The following CNTN5 variants were observed in gnomAD, a reference collection of about 807,000 sequenced individuals.
The protein encoded by CNTN5 is contactin 5, also known as contactin-5.
A neutral mutation model predicts 129.1 loss-of-function variants in CNTN5; 77 were observed. That is an observed-to-expected ratio of 0.60 (90% CI 0.50 to 0.72). The LOEUF is 0.72. Among genes scored for constraint, CNTN5 ranks in the 30% least tolerant of loss-of-function variants. CNTN5 has a pLI of 0.00. For synonymous variants in CNTN5, 509 were observed against 465.6 expected (o/e 1.09, Z -1.20); for missense variants, 1,478 against 1,328.8 (o/e 1.11, Z -1.75).
intron 3 of CNTN5, among the ~76,000 whole-genome samples, chr11:99,642,805 A>G (rs4754638): frequency 0.6 from 91,161 of 151,784 alleles, 28,201 homozygotes; most frequent in Admixed American, 0.69. Flanking sequence ...TGCCTCTGTG[A>G]GATCAACTTT....
At chr11:100,167,554 A>ATAAG (rs1947679793) in intron 13 of CNTN5, among the ~76,000 whole-genome samples, 1 of 151,902 alleles carries the variant, frequency 6.6e-6, no homozygotes. Flanking sequence ...CTTATCTCAA[A>ATAAG]TAAGTATCAC....
intron 1 of CNTN5, among the ~76,000 whole-genome samples, chr11:99,187,650 A>G (rs1343445517): frequency 2.6e-5 from 4 of 151,874 alleles, no homozygotes; most frequent in Non-Finnish European, 5.9e-5. Flanking sequence ...ATCCAATATT[A>G]CTACAAACTA....
At chr11:100,020,965 G>T (rs1322592812) in intron 9 of CNTN5, among the ~76,000 whole-genome samples, 2 of 152,046 alleles carry the variant, frequency 1.3e-5, no homozygotes, top group Non-Finnish European at 2.9e-5. Context: ...TGGATTGAAA[G>T]AATTAATATT....
At chr11:100,083,414 A>G (rs1433326274) in intron 13 of CNTN5, among the ~76,000 whole-genome samples, 2 of 149,198 alleles carry the variant, frequency 1.3e-5, no homozygotes, top group Non-Finnish European at 3.0e-5. Flanking sequence ...TCATCAGGGG[A>G]TGATGCTATA....
rs574644336 is a variant in CNTN5, at chr11:99,982,270, A to G, written c.878-19764A>G. On this transcript the variant is annotated intron_variant, in intron 8 of 24. Coordinates refer to ENST00000524871, the MANE Select transcript of CNTN5 (RefSeq NM_014361.4). ...TTGGGGCAGGTTTTCAAAGATTTGC[A>G]TACAAAAATAAAGAGCTTGAATTTC... Among the ~76,000 whole-genome samples the G allele has an allele frequency of 5.3e-5, 8 of 152,360 alleles. No homozygotes were observed. In the East Asian group the frequency reaches 1.3e-3, roughly 26 times the overall value.
chr11:99,839,797 T>C (rs1344609563), intron 4 of CNTN5, among the ~76,000 whole-genome samples: 8 of 152,012 alleles, frequency 5.3e-5, no homozygotes, highest in Non-Finnish European at 8.8e-5. Flanking sequence ...TAGATAGTAA[T>C]ACAGCAACCA....
chr11:99,061,708 C>T lies in CNTN5; in HGVS notation c.-210+40438C>T, dbSNP rs183924251. 1.5e-3 allele frequency among the ~76,000 whole-genome samples: 234 copies of T among 152,106 alleles called. 1 individual carries two copies. The highest frequency in any genetic ancestry group is 2.2e-3 in the Non-Finnish European group (147 of 67,972). ...AGGGGAGACAATCTCTGTGAACTTGCGGTCAGGTGCAGTGGCCCCACGGCT... is the reference window on the plus strand; with the variant it reads ...AGGGGAGACAATCTCTGTGAACTTGTGGTCAGGTGCAGTGGCCCCACGGCT... On this transcript the variant is annotated intron_variant, in intron 1 of 24. Coordinates refer to ENST00000524871, the MANE Select transcript of CNTN5 (RefSeq NM_014361.4).
intron 9 of CNTN5, among the ~76,000 whole-genome samples, chr11:100,011,549 A>G (rs574190094): frequency 3.8e-4 from 58 of 152,218 alleles, no homozygotes; most frequent in African/African-American, 1.3e-3. Context: ...TTACTGTAAT[A>G]ATTATGTGAA....
intron 7 of CNTN5, among the ~76,000 whole-genome samples, chr11:99,944,621 C>T (rs1397152400): frequency 1.3e-5 from 2 of 152,056 alleles, no homozygotes; most frequent in Non-Finnish European, 2.9e-5. Flanking sequence ...ACCTCATTGT[C>T]TCAGCCCAAA....
At position 99,253,903 on chromosome 11, in the gene CNTN5, A is replaced by T. The variant is rs940753911; in HGVS notation, c.-209-71443A>T. ...TATTAACACAAATATACGTTTATAT[A>T]TATATATATATATATATATATTTGG... On this transcript the variant is annotated intron_variant, in intron 1 of 24. Coordinates refer to ENST00000524871, the MANE Select transcript of CNTN5 (RefSeq NM_014361.4). Among the ~76,000 whole-genome samples the T allele has an allele frequency of 6.7e-3, 782 of 116,102 alleles. 5 individuals carry two copies. The highest frequency in any genetic ancestry group is 9.0e-3 in the Non-Finnish European group (456 of 50,668). The allele number at this position is 116,102 out of a possible 152,430, so 76.2% of individuals were successfully genotyped here.
In CNTN5 at chr11:100,032,912, G is replaced by T. The variant is rs187213491; in HGVS notation, c.981-28300G>T. On this transcript the variant is annotated intron_variant, in intron 9 of 24. Transcript: ENST00000524871. Reference sequence around the variant, plus strand: ...CTTCAGTTCCATTATTTTAATAGAAGAATACAATTCTTAAAATTTTACCTA... The same window carrying T: ...CTTCAGTTCCATTATTTTAATAGAATAATACAATTCTTAAAATTTTACCTA... Among the ~76,000 whole-genome samples the T allele has an allele frequency of 2.0e-3, 299 of 152,118 alleles. 2 individuals carry two copies. The highest frequency in any genetic ancestry group is 0.013 in the South Asian group (62 of 4,812).
chr11:99,748,433 A>G, intron 3 of CNTN5, among the ~76,000 whole-genome samples: 1 of 146,788 alleles, frequency 6.8e-6, no homozygotes, highest in African/African-American at 2.6e-5. Flanking sequence ...AGAGAGTGAG[A>G]GAGACAGCGT....
intron 4 of CNTN5, among the ~76,000 whole-genome samples, chr11:99,820,536 T>A (rs1946766683): frequency 1.3e-5 from 2 of 152,306 alleles, no homozygotes; most frequent in Non-Finnish European, 2.9e-5. Context: ...GTTGTCTACC[T>A]TTGTCATTTT....
chr11:100,320,950 G>T (rs972380795), intron 21 of CNTN5, among the ~76,000 whole-genome samples: 1 of 151,994 alleles, frequency 6.6e-6, no homozygotes, highest in South Asian at 2.1e-4. Context: ...TGCTGTTTTT[G>T]TTACTATAGC....
At chr11:99,274,020 A>G (rs1016358383) in intron 1 of CNTN5, among the ~76,000 whole-genome samples, 4 of 151,748 alleles carry the variant, frequency 2.6e-5, no homozygotes, top group East Asian at 3.9e-4. Context: ...TTAAAATTAA[A>G]TAAAATTAGA....
chr11:99,999,908 C>CA (rs991051372), intron 8 of CNTN5, among the ~76,000 whole-genome samples: 1 of 150,370 alleles, frequency 6.7e-6, no homozygotes, highest in African/African-American at 2.5e-5. Context: ...GTCGCAAGGC[C>CA]AAAAAACCAA....
intron 1 of CNTN5, among the ~76,000 whole-genome samples, chr11:99,035,845 G>C (rs1019244382): frequency 9.9e-5 from 15 of 150,884 alleles, no homozygotes; most frequent in African/African-American, 3.4e-4. Context: ...CTCGTTAGTT[G>C]ATGCAGTTTC....
chr11:100,337,426 T>G (rs1952058773), intron 21 of CNTN5: 2 of 757,182 alleles, frequency 2.6e-6, no homozygotes, highest in Non-Finnish European at 4.9e-6. Flanking sequence ...TGAAGCAGCC[T>G]CCCTGTGGCC....
chr11:99,132,804 A>G (rs1214169002), intron 1 of CNTN5, among the ~76,000 whole-genome samples: 1 of 152,254 alleles, frequency 6.6e-6, no homozygotes, highest in African/African-American at 2.4e-5. Context: ...AGGAAGAATC[A>G]GTATCATGAA....
Sources: allele counts gnomAD v4.1 joint callset (sites outside exome capture counted in the v4.1 genomes callset), GRCh38; gene constraint gnomAD v4.1.1; transcripts MANE v1.5; gene names NCBI Gene and HGNC (gene_info 2026-07-23, HGNC 2026-07-21).